The following RCC2 variants were observed in gnomAD, a reference collection of about 807,000 sequenced individuals.
The protein encoded by RCC2 is protein RCC2.
A neutral mutation model predicts 64.1 loss-of-function variants in RCC2; 19 were observed. That is an observed-to-expected ratio of 0.30 (90% CI 0.21 to 0.44). The LOEUF is 0.44. Ranked by LOEUF, RCC2 falls within the 20% of genes least tolerant of loss-of-function variation. RCC2 has a pLI of 1.00. For synonymous variants in RCC2, 325 were observed against 279.6 expected (o/e 1.16, Z -1.62); for missense variants, 508 against 710.4 (o/e 0.72, Z 3.24).
intron 3 of RCC2, among the ~76,000 whole-genome samples, chr1:17,427,471 A>C (rs1463294941): frequency 6.6e-6 from 1 of 152,242 alleles, no homozygotes; most frequent in East Asian, 1.9e-4. Flanking sequence ...ATTAAAACTT[A>C]AGAAAAACTC....
At chr1:17,416,227 G>C (rs1000365810) in intron 8 of RCC2, among the ~76,000 whole-genome samples, 5 of 152,178 alleles carry the variant, frequency 3.3e-5, no homozygotes, top group African/African-American at 1.2e-4. Context: ...GTGCAGGTGA[G>C]GGCGGCAAAA....
In RCC2 at chr1:17,408,523, G is replaced by C. The variant is rs1240706989; in HGVS notation, c.*567C>G. On this transcript the variant is annotated 3_prime_UTR_variant, in exon 13 of 13. Transcript: ENST00000375436. ...CTGTGGGCGTACAGGCAGCCAAGGG[G>C]AGAAACAGAACCGACACCGGCCTAG... is the stretch of plus-strand genomic sequence containing the variant. 6.5e-6 allele frequency: 1 copy of C among 153,142 alleles called. No individual in the cohort carries two copies. The highest frequency in any genetic ancestry group is 1.9e-4 in the East Asian group (1 of 5,196). 9.5% of individuals were successfully genotyped at this position (153,142 alleles called of 1,614,324 possible). A position where few individuals can be genotyped will look rare whatever the true frequency, so the allele number is the denominator to read the frequency against.
At chr1:17,428,919 C>T (rs11577108) in intron 3 of RCC2, among the ~76,000 whole-genome samples, 187 bp downstream of exon 3, 1 of 152,172 alleles carries the variant, frequency 6.6e-6, no homozygotes, top group Non-Finnish European at 1.5e-5. Flanking sequence ...CAAAATTGTG[C>T]CTTTAAAAGA....
intron 10 of RCC2, 71 bp from the exon 11 acceptor site, chr1:17,412,265 G>T: frequency 6.9e-7 from 1 of 1,446,418 alleles, no homozygotes; most frequent in Non-Finnish European, 9.6e-7. Flanking sequence ...ATGGCTCAAG[G>T]GCATGAGTGT....
rs555551849 is a variant in RCC2, at chr1:17,414,880, A to G, written c.1027-1163T>C. ...AATGATCTGCCCACCTTGGCCTCCC[A>G]AAGTCCTCTGATTACAAACATGAAC... On this transcript the variant is annotated intron_variant, in intron 8 of 12. Transcript: ENST00000375436. Among the ~76,000 whole-genome samples the G allele has an allele frequency of 4.6e-5, 7 of 152,162 alleles. 1 individual carries two copies. In the South Asian group the frequency reaches 1.2e-3, roughly 27 times the overall value.
At chr1:17,435,514 C>T (rs952595593) in intron 2 of RCC2, among the ~76,000 whole-genome samples, 1 of 152,228 alleles carries the variant, frequency 6.6e-6, no homozygotes, top group African/African-American at 2.4e-5. Context: ...GAAACAGAGA[C>T]CAGAAACCTG....
intron 2 of RCC2, 36 bp downstream of exon 2, chr1:17,438,194 C>T (rs1380015660): frequency 5.9e-6 from 7 of 1,181,540 alleles, no homozygotes; most frequent in African/African-American, 1.6e-5. Context: ...CCGGCCCCGG[C>T]CCTGCGCCCA....
At chr1:17,431,359 A>AAAAAAAAAAAAAT (rs1553158471) in intron 2 of RCC2, among the ~76,000 whole-genome samples, 4 of 44,928 alleles carry the variant, frequency 8.9e-5, no homozygotes, top group Non-Finnish European at 1.5e-4. Context: ...AAAAAAAAAA[A>AAAAAAAAAAAAAT]ATATATATAT....
At chr1:17,411,747 T>C (rs2075429040) in intron 11 of RCC2, among the ~76,000 whole-genome samples, 1 of 152,028 alleles carries the variant, frequency 6.6e-6, no homozygotes, top group Non-Finnish European at 1.5e-5. Context: ...TTTGGAAAAA[T>C]GAAGAATGTC....
chr1:17,416,500 C>A lies in RCC2; in HGVS notation c.1006G>T (p.Ala336Ser). Residue 336 changes from alanine (A) to serine (S), a missense_variant, in exon 8 of 13, where the codon GCC becomes TCC. Ala to Ser is a moderately conservative substitution (Grantham distance 99, BLOSUM62 1). Around this residue, in one of 4 missense-constraint regions of RCC2, gnomAD observed 179 missense variants for 322.0 expected, o/e 0.56. Coordinates refer to ENST00000375436, the MANE Select transcript of RCC2 (RefSeq NM_018715.4). Reference protein sequence around the residue: ...PVPNVVVRDVACGANHTLVLD... With the variant: ...PVPNVVVRDVSCGANHTLVLD... ...CTCACCGTGTGGTTAGCGCCACAGG[C>A]CACGTCTCGTACAACCACGTTTGGT... 2 of 1,612,576 alleles carry A rather than the reference C, an allele frequency of 1.2e-6. No individual in the cohort carries two copies. Among genetic ancestry groups the A allele is most frequent in the Non-Finnish European group, 1.7e-6 (2 of 1,179,430 alleles).
At chr1:17,435,284 T>C (rs1417869319) in intron 2 of RCC2, among the ~76,000 whole-genome samples, 1 of 152,246 alleles carries the variant, frequency 6.6e-6, no homozygotes, top group African/African-American at 2.4e-5. Context: ...AATGTAAGTA[T>C]TTGGCTCATC....
At chr1:17,431,359 A>AAAAATATATATATATAT (rs1553158471) in intron 2 of RCC2, among the ~76,000 whole-genome samples, 2 of 44,934 alleles carry the variant, frequency 4.5e-5, no homozygotes, top group African/African-American at 1.1e-4. Context: ...AAAAAAAAAA[A>AAAAATATATATATATAT]ATATATATAT....
rs771621486 is a variant in RCC2 at position 17,422,847 on chromosome 1, CAT to C, written c.524-13_524-12del. On this transcript the variant is annotated splice_polypyrimidine_tract_variant and intron_variant, in intron 4 of 12. Coordinates refer to ENST00000375436, the MANE Select transcript of RCC2 (RefSeq NM_018715.4). ...CCTTCTCATTTCGACCTGCAGATCACATGAGAGAAAGTAGAAAAGAGAGAGGG... is the reference window on the plus strand; with the variant it reads ...CCTTCTCATTTCGACCTGCAGATCACGAGAGAAAGTAGAAAAGAGAGAGGG... 264 of 1,613,882 alleles carry C rather than the reference CAT, an allele frequency of 1.6e-4. No homozygotes were observed. The highest frequency in any genetic ancestry group is 8.6e-4 in the Middle Eastern group (5 of 5,798).
intron 4 of RCC2, 95 bp from the exon 5 acceptor site, chr1:17,422,931 C>T: frequency 6.7e-7 from 1 of 1,484,716 alleles, no homozygotes; most frequent in Non-Finnish European, 9.3e-7. Flanking sequence ...CAAATGATGC[C>T]CATCTGTCTC....
At chr1:17,415,826 TGA>T (rs2075476592) in intron 8 of RCC2, among the ~76,000 whole-genome samples, 1 of 151,830 alleles carries the variant, frequency 6.6e-6, no homozygotes, top group Non-Finnish European at 1.5e-5. Flanking sequence ...CCCAGCACTT[TGA>T]GAGGCCGAGG....
intron 2 of RCC2, among the ~76,000 whole-genome samples, chr1:17,436,147 T>C (rs1319923374): frequency 6.6e-6 from 1 of 152,186 alleles, no homozygotes; most frequent in Non-Finnish European, 1.5e-5. Context: ...TAATAACGTA[T>C]TTATGTGTAT....
chr1:17,430,680 C>T (rs2075666176), intron 2 of RCC2, among the ~76,000 whole-genome samples: 1 of 151,934 alleles, frequency 6.6e-6, no homozygotes, highest in Non-Finnish European at 1.5e-5. Flanking sequence ...CCCAGCTACT[C>T]CAGAGGCTGA....
In RCC2 at chr1:17,408,745, G is replaced by T; in HGVS notation, c.*345C>A. 1 of 205,528 alleles carries T rather than the reference G, an allele frequency of 4.9e-6. No individual in the cohort carries two copies. Among genetic ancestry groups the T allele is most frequent in the East Asian group, 1.2e-4 (1 of 8,422 alleles). The allele number at this position is 205,528 out of a possible 1,614,324, so 12.7% of individuals were successfully genotyped here. ...ACGATGCTAATTGTAACTGGAAAGG[G>T]GTGTTTTGGGGAGTGTATTCAGGAG... On this transcript the variant is annotated 3_prime_UTR_variant, in exon 13 of 13. Coordinates refer to ENST00000375436, the MANE Select transcript of RCC2 (RefSeq NM_018715.4).
intron 12 of RCC2, 61 bp from the exon 13 acceptor site, chr1:17,409,255 G>T: frequency 9.3e-7 from 1 of 1,076,410 alleles, no homozygotes. Flanking sequence ...ATGCGTTGAA[G>T]AGACTCTGGA....
Sources: allele counts gnomAD v4.1 joint callset (sites outside exome capture counted in the v4.1 genomes callset), GRCh38; gene constraint gnomAD v4.1.1; regional missense constraint gnomAD v4.1.1; transcripts MANE v1.5; gene names NCBI Gene and HGNC (gene_info 2026-07-23, HGNC 2026-07-21).